ARHGAP15: variants seen among roughly 807,000 people sequenced by gnomAD.
ARHGAP15 encodes Rho GTPase activating protein 15, also known as rho GTPase-activating protein 15.
ARHGAP15 carries 51 observed loss-of-function variants against 63.7 expected under a neutral mutation model. The ratio of observed to expected loss-of-function variants is 0.80; its 90% CI spans 0.64 to 1.01. The LOEUF (loss-of-function observed/expected upper bound fraction) is 1.01, where lower values mean the gene tolerates loss of function less well. ARHGAP15 is among the 50% of genes least tolerant of loss of function. The pLI is 0.00. For synonymous variants in ARHGAP15, 191 were observed against 193.8 expected (o/e 0.99, Z 0.12); for missense variants, 560 against 564.6 (o/e 0.99, Z 0.08).
At chr2:143,348,444 A>G (rs570010589) in intron 6 of ARHGAP15, among the ~76,000 whole-genome samples, 1 of 152,212 alleles carries the variant, frequency 6.6e-6, no homozygotes, top group Non-Finnish European at 1.5e-5. Flanking sequence ...GAAAAATTGC[A>G]CTTGCCTATT....
At chr2:143,361,005 C>G (rs1403346684) in intron 6 of ARHGAP15, among the ~76,000 whole-genome samples, 1 of 148,700 alleles carries the variant, frequency 6.7e-6, no homozygotes, top group Admixed American at 6.7e-5. Flanking sequence ...AATTTTGTAA[C>G]ACCGTCCATG....
intron 12 of ARHGAP15, among the ~76,000 whole-genome samples, chr2:143,668,938 T>G (rs1438735581): frequency 6.6e-6 from 1 of 152,230 alleles, no homozygotes; most frequent in Non-Finnish European, 1.5e-5. Flanking sequence ...AGGTAAAATA[T>G]AATTTAAAAG....
chr2:143,393,976 G>A (rs1314126003), intron 6 of ARHGAP15, among the ~76,000 whole-genome samples: 1 of 152,070 alleles, frequency 6.6e-6, no homozygotes, highest in Non-Finnish European at 1.5e-5. Flanking sequence ...CCCCAACAGG[G>A]CCATGTCCAT....
rs554208802 is a variant in ARHGAP15, at chr2:143,287,707, G to A, written c.474+37107G>A. On this transcript the variant is annotated intron_variant, in intron 6 of 13. Coordinates refer to ENST00000295095, the MANE Select transcript of ARHGAP15 (RefSeq NM_018460.4). ...TGTAATAGCTACTCGGGAGGGTGAG[G>A]CAGGAGAATTGCTTGCACCCAGGAG... 2.6e-5 allele frequency among the ~76,000 whole-genome samples: 4 copies of A among 152,188 alleles called. No homozygotes were observed. The East Asian group carries it at 5.8e-4, about 22-fold the overall frequency.
intron 12 of ARHGAP15, among the ~76,000 whole-genome samples, chr2:143,662,080 G>A (rs993924352): frequency 6.6e-5 from 10 of 152,238 alleles, no homozygotes; most frequent in African/African-American, 1.7e-4. Context: ...AGCTCAAGAA[G>A]GCCTGCCTGC....
At chr2:143,140,394 A>T (rs1033484659) in intron 1 of ARHGAP15, among the ~76,000 whole-genome samples, 3 of 152,174 alleles carry the variant, frequency 2.0e-5, no homozygotes, top group Admixed American at 6.5e-5. Context: ...ACATAAAACA[A>T]TTCAAAAACA....
chr2:143,229,469 G>A (rs981032110), intron 5 of ARHGAP15, among the ~76,000 whole-genome samples: 5 of 152,074 alleles, frequency 3.3e-5, no homozygotes, highest in East Asian at 1.9e-4. Context: ...AGAGCAATTC[G>A]GAGCCAGTTA....
chr2:143,342,422 C>G (rs973488627), intron 6 of ARHGAP15, among the ~76,000 whole-genome samples: 1 of 152,030 alleles, frequency 6.6e-6, no homozygotes, highest in Non-Finnish European at 1.5e-5. Context: ...ATTAATAAAG[C>G]CTTAATAAAG....
chr2:143,722,605 A>G (rs1685109980), intron 13 of ARHGAP15, among the ~76,000 whole-genome samples: 1 of 152,244 alleles, frequency 6.6e-6, no homozygotes, highest in African/African-American at 2.4e-5. Context: ...GGAAGGGAAC[A>G]AAACACTTAA....
chr2:143,537,241 T>C (rs1418389615), intron 10 of ARHGAP15, among the ~76,000 whole-genome samples: 1 of 152,200 alleles, frequency 6.6e-6, no homozygotes, highest in East Asian at 1.9e-4. Flanking sequence ...TTTTTTCTTG[T>C]AAATTTCTTT....
chr2:143,430,389 A>G (rs1367098719), intron 6 of ARHGAP15, among the ~76,000 whole-genome samples: 1 of 152,056 alleles, frequency 6.6e-6, no homozygotes, highest in Non-Finnish European at 1.5e-5. Flanking sequence ...TACTCAAACC[A>G]GACTGTAATT....
rs139075759 is a variant in ARHGAP15, at chr2:143,230,747, G to A, written c.384+2079G>A. On this transcript the variant is annotated intron_variant, in intron 5 of 13. Coordinates refer to ENST00000295095, the MANE Select transcript of ARHGAP15 (RefSeq NM_018460.4). The stretch of plus-strand genomic sequence containing the variant: ...CCCACGTTTACCAGTTCCAGTCTTA[G>A]AGAAACGATACAACGATTGCCAGGC... 1.0e-3 allele frequency among the ~76,000 whole-genome samples: 154 copies of A among 152,294 alleles called. 1 individual carries two copies. Among genetic ancestry groups the A allele is most frequent in the Admixed American group, 7.5e-3 (115 of 15,292 alleles).
intron 12 of ARHGAP15, among the ~76,000 whole-genome samples, chr2:143,639,491 T>G (rs1680503513): frequency 6.6e-6 from 1 of 152,058 alleles, no homozygotes; most frequent in African/African-American, 2.4e-5. Flanking sequence ...TAACAAACAT[T>G]TAATTTATCT....
chr2:143,133,624 T>C (rs544096442), intron 1 of ARHGAP15, among the ~76,000 whole-genome samples: 1 of 152,294 alleles, frequency 6.6e-6, no homozygotes, highest in South Asian at 2.1e-4. Flanking sequence ...TTTTTTTCAT[T>C]TGATGAAGGC....
intron 1 of ARHGAP15, among the ~76,000 whole-genome samples, chr2:143,153,840 T>C (rs201088607): frequency 0.42 from 32,550 of 77,364 alleles, 6,032 homozygotes; most frequent in East Asian, 0.54. Context: ...CTTCTTCTTC[T>C]TCTTCCTCCT....
intron 4 of ARHGAP15, chr2:143,228,040 C>G (rs1452602905): frequency 6.6e-6 from 1 of 152,080 alleles, no homozygotes; most frequent in Admixed American, 6.5e-5. Flanking sequence ...TATTCCTTGA[C>G]AATTTGATGT....
intron 10 of ARHGAP15, among the ~76,000 whole-genome samples, chr2:143,541,183 T>C (rs192618519): frequency 6.6e-6 from 1 of 152,362 alleles, no homozygotes; most frequent in African/African-American, 2.4e-5. Context: ...TACTGAGGCT[T>C]GTGTATTCAT....
At position 143,133,907 on chromosome 2, in the gene ARHGAP15, CT is replaced by C. The variant is rs1305727347; in HGVS notation, c.-15+4448del. 6.6e-5 allele frequency among the ~76,000 whole-genome samples: 10 copies of C among 152,000 alleles called. 1 individual carries two copies. Among genetic ancestry groups the C allele is most frequent in the South Asian group, 4.1e-4 (2 of 4,824 alleles). ...TAACTGCACGCACCTCTCCACTTTG[CT>C]TTTTTTCTTTTAGAAATATAGATTA... is the stretch of plus-strand genomic sequence containing the variant. On this transcript the variant is annotated intron_variant, in intron 1 of 13. Coordinates refer to ENST00000295095, the MANE Select transcript of ARHGAP15 (RefSeq NM_018460.4).
At chr2:143,471,029 G>GTA (rs1221911566) in intron 8 of ARHGAP15, among the ~76,000 whole-genome samples, 3 of 148,178 alleles carry the variant, frequency 2.0e-5, no homozygotes, top group African/African-American at 7.4e-5. Flanking sequence ...GAATATGTGT[G>GTA]TATATATGCA....
Sources: gnomAD v4.1 joint callset for allele counts (sites outside exome capture counted in the v4.1 genomes callset) on GRCh38, gnomAD v4.1.1 for gene constraint, MANE v1.5 for transcripts, NCBI Gene and HGNC (gene_info 2026-07-23, HGNC 2026-07-21) for gene names.